SRRM4: variants seen among roughly 807,000 people sequenced by gnomAD.
SRRM4 encodes serine/arginine repetitive matrix protein 4.
Under a neutral mutation model 68.9 loss-of-function variants are expected in SRRM4, and 33 were observed. The observed-to-expected ratio is 0.48, with a 90% CI of 0.36 to 0.64. SRRM4 has a LOEUF of 0.64. SRRM4 is among the 30% of genes least tolerant of loss of function. The pLI is 0.00. For synonymous variants in SRRM4, 318 were observed against 318.8 expected (o/e 1.00, Z 0.03); for missense variants, 817 against 827.1 (o/e 0.99, Z 0.15).
At position 118,982,136 on chromosome 12, in the gene SRRM4, C is replaced by G. The variant is rs145136730; in HGVS notation, c.131+123C>G. On this transcript the variant is annotated intron_variant, in intron 1 of 12. Transcript: ENST00000267260. ...GCGCCTGTCTTTTCCCGTCACTACT[C>G]GGCGGCTCCCGCTGAAACATGGGAA... The G allele has an allele frequency of 3.5e-4, 425 of 1,220,376 alleles. 1 individual carries two copies. The African/African-American group carries it at 6.0e-3, about 17-fold the overall frequency. The allele number at this position is 1,220,376 out of a possible 1,614,324, so 75.6% of individuals were successfully genotyped here.
At chr12:119,055,593 G>T (rs564225105) in intron 1 of SRRM4, among the ~76,000 whole-genome samples, 2 of 152,194 alleles carry the variant, frequency 1.3e-5, no homozygotes, top group Non-Finnish European at 1.5e-5. Flanking sequence ...GGCATGCTAT[G>T]TGCCAAGCAC....
intron 7 of SRRM4, among the ~76,000 whole-genome samples, chr12:119,127,935 C>G (rs7316343): frequency 0.43 from 65,650 of 151,914 alleles, 15,006 homozygotes; most frequent in South Asian, 0.53. Context: ...TTCGGCTGCC[C>G]TTTTCAATCA....
intron 2 of SRRM4, among the ~76,000 whole-genome samples, chr12:119,107,806 G>GTCTC (rs1430453330): frequency 6.6e-5 from 10 of 151,388 alleles, no homozygotes; most frequent in African/African-American, 2.2e-4. Flanking sequence ...GGTTTTTTGT[G>GTCTC]TATCTCCTTC....
In SRRM4 at chr12:119,086,602, G is replaced by A. The variant is rs116755980; in HGVS notation, c.132-15634G>A. Among the ~76,000 whole-genome samples, 1,286 of 152,328 alleles carry A rather than the reference G, an allele frequency of 8.4e-3. 18 individuals are homozygous for A. Among genetic ancestry groups the A allele is most frequent in the African/African-American group, 0.029 (1,216 of 41,566 alleles). The stretch of plus-strand genomic sequence containing the variant: ...CCATAGTGTACATTCACAGAGGCAA[G>A]TGCAGTCTGGGCTTATGCAGAAGGA... On this transcript the variant is annotated intron_variant, in intron 1 of 12. Coordinates refer to ENST00000267260, the MANE Select transcript of SRRM4 (RefSeq NM_194286.4).
At chr12:118,993,901 G>A (rs530112788) in intron 1 of SRRM4, 95 of 152,294 alleles carry the variant, frequency 6.2e-4, no homozygotes, top group African/African-American at 2.3e-3. Flanking sequence ...TACTCAAGAG[G>A]TTGATGCAGG....
chr12:118,987,336 G>C (rs1207439348), intron 1 of SRRM4, among the ~76,000 whole-genome samples: 2 of 152,126 alleles, frequency 1.3e-5, no homozygotes, highest in African/African-American at 2.4e-5. Flanking sequence ...ATGCAGAGAG[G>C]GGGGATGCTA....
Position 119,153,610 on chromosome 12 carries a change from C to T in SRRM4, c.1352C>T (p.Ser451Phe). The change falls in exon 11 of 13, where the codon TCC becomes TTC. Residue 451 changes from serine (S) to phenylalanine (F), a missense_variant. Transcript: ENST00000267260. ...KRSPPSRSSR[S>F]RRSPSYSRYS... Reference sequence around the variant, plus strand: ...AGCCCGCCCAGCAGAAGCTCTAGGTCCCGCCGCAGCCCTAGCTACTCCCGC... The same window carrying T: ...AGCCCGCCCAGCAGAAGCTCTAGGTTCCGCCGCAGCCCTAGCTACTCCCGC... The T allele has an allele frequency of 6.4e-7, 1 of 1,567,590 alleles. No individual in the cohort carries two copies.
chr12:119,035,243 T>C (rs1187398695), intron 1 of SRRM4, among the ~76,000 whole-genome samples: 1 of 152,216 alleles, frequency 6.6e-6, no homozygotes, highest in Non-Finnish European at 1.5e-5. Flanking sequence ...AATGTTTTTA[T>C]TGTAGAGAAG....
chr12:119,082,893 T>C (rs932274409), intron 1 of SRRM4, among the ~76,000 whole-genome samples: 1 of 152,212 alleles, frequency 6.6e-6, no homozygotes, highest in South Asian at 2.1e-4. Flanking sequence ...TTGGGGACTT[T>C]AGCATTCTGC....
intron 1 of SRRM4, among the ~76,000 whole-genome samples, chr12:119,065,234 T>G (rs1953838213): frequency 6.6e-6 from 1 of 152,176 alleles, no homozygotes; most frequent in Non-Finnish European, 1.5e-5. Flanking sequence ...TCTTGTCTCC[T>G]TTGGTTCTCA....
intron 2 of SRRM4, among the ~76,000 whole-genome samples, chr12:119,113,111 G>T (rs1007100193): frequency 1.3e-5 from 2 of 152,126 alleles, no homozygotes; most frequent in African/African-American, 4.8e-5. Flanking sequence ...TGGCTCTCTT[G>T]AAAATATTAT....
At chr12:119,008,364 A>AC (rs1399663552) in intron 1 of SRRM4, among the ~76,000 whole-genome samples, 3 of 88,316 alleles carry the variant, frequency 3.4e-5, no homozygotes, top group African/African-American at 1.8e-4. Flanking sequence ...ATCCTGTCTC[A>AC]AAAAAAAAAA....
rs1018500753 is a variant in SRRM4 at position 119,159,023 on chromosome 12, G to A, written c.*2225G>A. On this transcript the variant is annotated 3_prime_UTR_variant, in exon 13 of 13. Coordinates refer to ENST00000267260, the MANE Select transcript of SRRM4 (RefSeq NM_194286.4). ...TGTGTGTGTGTGTGTGTGTGTTGGGGGGATCTCCTAAATTATTTCTGTGCA... is the reference window on the plus strand; with the variant it reads ...TGTGTGTGTGTGTGTGTGTGTTGGGAGGATCTCCTAAATTATTTCTGTGCA... 2 of 145,876 alleles carry A rather than the reference G, an allele frequency of 1.4e-5. No homozygotes were observed. Among genetic ancestry groups the A allele is most frequent in the African/African-American group, 5.2e-5 (2 of 38,544 alleles). The allele number at this position is 145,876 out of a possible 1,614,324, so 9.0% of individuals were successfully genotyped here. A position where few individuals can be genotyped will look rare whatever the true frequency, so the allele number is the denominator to read the frequency against.
chr12:119,007,910 C>A (rs1015709996), intron 1 of SRRM4, among the ~76,000 whole-genome samples: 2 of 152,120 alleles, frequency 1.3e-5, no homozygotes, highest in African/African-American at 2.4e-5. Context: ...TTTTGGGTAG[C>A]CTGACTCCCT....
At chr12:119,119,620 G>C (rs996149081) in intron 4 of SRRM4, among the ~76,000 whole-genome samples, 2 of 152,092 alleles carry the variant, frequency 1.3e-5, no homozygotes, top group Non-Finnish European at 2.9e-5. Context: ...TTTGTAAAAT[G>C]GTTGTTAATA....
At chr12:119,099,810 A>G (rs993185322) in intron 1 of SRRM4, among the ~76,000 whole-genome samples, 2 of 152,142 alleles carry the variant, frequency 1.3e-5, no homozygotes, top group East Asian at 1.9e-4. Context: ...GCCTCTCCAT[A>G]TGGCTGCTTG....
chr12:119,116,196 G>A (rs915247105), intron 3 of SRRM4, among the ~76,000 whole-genome samples: 1 of 152,164 alleles, frequency 6.6e-6, no homozygotes, highest in African/African-American at 2.4e-5. Context: ...GGAAATAAGA[G>A]ACTTAGAGAT....
In SRRM4 at chr12:119,045,273, C is replaced by T. The variant is rs78594083; in HGVS notation, c.132-56963C>T. ...TCAGAAATCTTTCCACATTGCCACG[C>T]TTTCCAAAGAGGAAGACCCACCCCC... is the stretch of plus-strand genomic sequence containing the variant. On this transcript the variant is annotated intron_variant, in intron 1 of 12. Transcript: ENST00000267260. Among the ~76,000 whole-genome samples the T allele has an allele frequency of 4.6e-3, 693 of 152,250 alleles. 4 individuals carry two copies. The highest frequency in any genetic ancestry group is 0.016 in the African/African-American group (664 of 41,524).
intron 4 of SRRM4, among the ~76,000 whole-genome samples, chr12:119,119,189 A>G (rs1000713163): frequency 6.6e-6 from 1 of 151,926 alleles, no homozygotes; most frequent in South Asian, 2.1e-4. Context: ...CATGGCACAC[A>G]TTACATGTAG....
Sources: allele counts gnomAD v4.1 joint callset (sites outside exome capture counted in the v4.1 genomes callset), GRCh38; gene constraint gnomAD v4.1.1; transcripts MANE v1.5; gene names NCBI Gene and HGNC (gene_info 2026-07-23, HGNC 2026-07-21).